Variants in DNAJC18 observed in about 807,000 individuals in gnomAD.
DNAJC18 encodes DnaJ heat shock protein family (Hsp40) member C18.
Under a neutral mutation model 48.6 loss-of-function variants are expected in DNAJC18, and 40 were observed. The observed-to-expected ratio is 0.82, with a 90% CI of 0.64 to 1.07. The LOEUF is 1.07. Ranked by LOEUF, DNAJC18 falls within the 50% of genes least tolerant of loss-of-function variation. DNAJC18 has a pLI of 0.00. For missense variants in DNAJC18, 340 were observed against 427.7 expected (o/e 0.79, Z 1.81); for synonymous variants, 135 against 152.2 (o/e 0.89, Z 0.83).
chr5:139,424,969 GT>G, intron 5 of DNAJC18, 35 bp downstream of exon 5: 2 of 1,578,826 alleles, frequency 1.3e-6, no homozygotes, highest in Non-Finnish European at 1.7e-6. Flanking sequence ...AAGTACAACT[GT>G]TTATGGGCAG....
At position 139,426,338 on chromosome 5, in the gene DNAJC18, T is replaced by C. The variant is rs748347597; in HGVS notation, c.393A>G (p.Ala131=). The part of the protein sequence containing the change: ...DAFKAIGNAF[A]VLSNPDKRLR... ...GTCTCTTATCAGGATTGCTCAGGAC[T>C]GCAAATGCATTTCCTATTGCTGCAA... Residue 131 remains alanine, a synonymous_variant, in exon 4 of 8, where the codon GCA becomes GCG. Coordinates refer to ENST00000302060, the MANE Select transcript of DNAJC18 (RefSeq NM_152686.4). 1.2e-6 allele frequency: 2 copies of C among 1,614,042 alleles called. No homozygotes were observed. The highest frequency in any genetic ancestry group is 1.7e-6 in the Non-Finnish European group (2 of 1,179,974).
At chr5:139,414,886 A>G (rs1759050450) in intron 7 of DNAJC18, among the ~76,000 whole-genome samples, 1 of 152,228 alleles carries the variant, frequency 6.6e-6, no homozygotes. Context: ...CCTTGACTAA[A>G]TTAATTTCAT....
rs1301724654 is a variant in DNAJC18 at position 139,439,332 on chromosome 5, T to C, written c.40+74A>G. On this transcript the variant is annotated intron_variant, in intron 1 of 7. Transcript: ENST00000302060. This position sits in a 1 kb window ranked among gnomAD's most constrained non-coding sequence, Gnocchi z 4.1. The stretch of plus-strand genomic sequence containing the variant: ...CTCAGACCCAGGATCTCAGCCCTTG[T>C]GCGTCTTCAGGATCCTCATCCCTGA... 2 of 1,608,182 alleles carry C rather than the reference T, an allele frequency of 1.2e-6. No homozygotes were observed. The highest frequency in any genetic ancestry group is 8.5e-7 in the Non-Finnish European group (1 of 1,175,228).
Position 139,439,334 on chromosome 5 carries a change from CG to C in DNAJC18, c.40+71del. ...CAGACCCAGGATCTCAGCCCTTGTG[CG>C]TCTTCAGGATCCTCATCCCTGATCT... On this transcript the variant is annotated intron_variant, in intron 1 of 7. Coordinates refer to ENST00000302060, the MANE Select transcript of DNAJC18 (RefSeq NM_152686.4). This position sits in a 1 kb window ranked among gnomAD's most constrained non-coding sequence, Gnocchi z 4.1. 5.0e-6 allele frequency: 8 copies of C among 1,606,514 alleles called. No individual in the cohort carries two copies. Among genetic ancestry groups the C allele is most frequent in the Non-Finnish European group, 6.0e-6 (7 of 1,173,674 alleles).
At chr5:139,426,030 C>T in intron 4 of DNAJC18, 142 bp downstream of exon 4, 1 of 926,674 alleles carries the variant, frequency 1.1e-6, no homozygotes, top group Non-Finnish European at 1.6e-6. Flanking sequence ...TGGAGACTTG[C>T]CTCAAACTCC....
chr5:139,436,515 C>CTTTTTTTTTTTTTTTTTTTTTT (rs57926576), intron 2 of DNAJC18, among the ~76,000 whole-genome samples: 1 of 67,646 alleles, frequency 1.5e-5, no homozygotes. Context: ...ATCCCTCTTT[C>CTTTTTTTTTTTTTTTTTTTTTT]TTTTTTTTTT....
At chr5:139,431,927 A>G (rs1355360997) in intron 2 of DNAJC18, among the ~76,000 whole-genome samples, 4 of 152,218 alleles carry the variant, frequency 2.6e-5, no homozygotes, top group Non-Finnish European at 5.9e-5. Flanking sequence ...TTCCCTAATG[A>G]CTAAAGATGT....
chr5:139,435,458 T>G (rs1363376847), intron 2 of DNAJC18, among the ~76,000 whole-genome samples: 2 of 152,220 alleles, frequency 1.3e-5, no homozygotes, highest in Non-Finnish European at 2.9e-5. Context: ...TTACATTGAT[T>G]GACTTGTGTG....
At chr5:139,438,112 C>G (rs572814188) in intron 1 of DNAJC18, among the ~76,000 whole-genome samples, 1 of 151,960 alleles carries the variant, frequency 6.6e-6, no homozygotes, top group Non-Finnish European at 1.5e-5. Context: ...GTCAGGAGAT[C>G]GAGACCATCC....
chr5:139,428,645 A>G lies in DNAJC18; in HGVS notation c.266T>C (p.Val89Ala). 2 of 1,612,608 alleles carry G rather than the reference A, an allele frequency of 1.2e-6. No individual in the cohort carries two copies. Among genetic ancestry groups the G allele is most frequent in the Non-Finnish European group, 1.7e-6 (2 of 1,179,630 alleles). Residue 89 changes from valine to alanine, a missense_variant, in exon 3 of 8, where the codon GTT becomes GCT. Coordinates refer to ENST00000302060, the MANE Select transcript of DNAJC18 (RefSeq NM_152686.4). ...KCRNYYEILG[V>A]SRDASDEELK... ...CTCTTCGTCACTAGCATCTCGAGAA[A>G]CTCCCAGAATTTCATAGTAATTTCT... is the stretch of plus-strand genomic sequence containing the variant.
intron 2 of DNAJC18, among the ~76,000 whole-genome samples, chr5:139,431,870 CTATAGACATTCCAGTGGG>C (rs1759334403): frequency 6.6e-6 from 1 of 152,194 alleles, no homozygotes; most frequent in Admixed American, 6.5e-5. Context: ...ACCTTTTTGA[CTATAGACATTCCAGTGGG>C]TATATCTCAT....
At chr5:139,434,727 G>A (rs1473878677) in intron 2 of DNAJC18, among the ~76,000 whole-genome samples, 1 of 148,762 alleles carries the variant, frequency 6.7e-6, no homozygotes, top group African/African-American at 2.4e-5. Flanking sequence ...TGTCCAACTT[G>A]TTTATTAGTT....
At chr5:139,418,106 C>G (rs140809334) in intron 7 of DNAJC18, among the ~76,000 whole-genome samples, 1 of 152,284 alleles carries the variant, frequency 6.6e-6, no homozygotes, top group Non-Finnish European at 1.5e-5. Context: ...TCAAAGCCCT[C>G]CCAGGACCCA....
rs1327970074 is a variant in DNAJC18, at chr5:139,413,392, G to A, written c.*756C>T. 1 of 152,626 alleles carries A rather than the reference G, an allele frequency of 6.6e-6. No individual in the cohort carries two copies. The highest frequency in any genetic ancestry group is 1.9e-4 in the East Asian group (1 of 5,216). The allele number at this position is 152,626 out of a possible 1,614,324, so 9.5% of individuals were successfully genotyped here. ...TGATACTGAGGGGAAATGACCGAAG[G>A]GACATTCTCTGGGTTCTATGATGGA... is the stretch of plus-strand genomic sequence containing the variant. On this transcript the variant is annotated 3_prime_UTR_variant, in exon 8 of 8. Transcript: ENST00000302060.
At position 139,439,449 on chromosome 5, in the gene DNAJC18, G is replaced by T; in HGVS notation, c.-4C>A. ...CGCTGCCCAGAGTCGCCGCCATATC[G>T]GTTCCCAATCAGCAGGTCCGCCGAG... On this transcript the variant is annotated 5_prime_UTR_variant, in exon 1 of 8. Coordinates refer to ENST00000302060, the MANE Select transcript of DNAJC18 (RefSeq NM_152686.4). This position sits in a 1 kb window ranked among gnomAD's most constrained non-coding sequence, Gnocchi z 4.1. 1 of 1,613,952 alleles carries T rather than the reference G, an allele frequency of 6.2e-7. No homozygotes were observed. The highest frequency in any genetic ancestry group is 1.1e-5 in the South Asian group (1 of 91,072).
At chr5:139,415,254 G>C (rs1759054762) in intron 7 of DNAJC18, among the ~76,000 whole-genome samples, 1 of 152,176 alleles carries the variant, frequency 6.6e-6, no homozygotes, top group Non-Finnish European at 1.5e-5. Context: ...ACACCTGTCT[G>C]ATTAATCAGC....
chr5:139,418,443 A>G lies in DNAJC18; in HGVS notation c.952+1610T>C, dbSNP rs576974344. On this transcript the variant is annotated intron_variant, in intron 7 of 7. Transcript: ENST00000302060. ...AGGCATGAGCTACCATGCCTGGCCT[A>G]TATACTGCCTTTTAATATGAGGCCT... Among the ~76,000 whole-genome samples the G allele has an allele frequency of 7.9e-5, 12 of 152,330 alleles. No individual in the cohort carries two copies. In the South Asian group the frequency reaches 2.1e-3, roughly 26 times the overall value.
intron 2 of DNAJC18, among the ~76,000 whole-genome samples, chr5:139,429,519 G>T (rs927182270): frequency 6.6e-6 from 1 of 152,168 alleles, no homozygotes; most frequent in Admixed American, 6.5e-5. Flanking sequence ...ACCATCATTA[G>T]AAGTTTTCTG....
chr5:139,428,640 G>C lies in DNAJC18; in HGVS notation c.271C>G (p.Arg91Gly), dbSNP rs150334373. The C allele has an allele frequency of 6.7e-4, 1,078 of 1,612,002 alleles. 3 individuals are homozygous for C. Among genetic ancestry groups the C allele is most frequent in the Middle Eastern group, 5.3e-3 (32 of 6,052 alleles). The stretch of plus-strand genomic sequence containing the variant: ...TTAAGCTCTTCGTCACTAGCATCTC[G>C]AGAAACTCCCAGAATTTCATAGTAA... ...RNYYEILGVSRDASDEELKKA... is the reference protein window; with the variant it reads ...RNYYEILGVSGDASDEELKKA... Residue 91 changes from arginine (R) to glycine (G), a missense_variant, in exon 3 of 8, where the codon CGA (arginine) becomes GGA (glycine). Arg to Gly is a moderately radical substitution (Grantham distance 125, BLOSUM62 -2). Coordinates refer to ENST00000302060, the MANE Select transcript of DNAJC18 (RefSeq NM_152686.4).
Sources: allele counts gnomAD v4.1 joint callset (sites outside exome capture counted in the v4.1 genomes callset), GRCh38; gene constraint gnomAD v4.1.1; non-coding constraint Gnocchi (gnomAD v3.1); transcripts MANE v1.5; gene names NCBI Gene and HGNC (gene_info 2026-07-23, HGNC 2026-07-21).